The following CLIC4 variants were observed in gnomAD, a reference collection of about 807,000 sequenced individuals.
CLIC4 encodes the protein chloride intracellular channel protein 4.
In CLIC4, 13 loss-of-function variants were observed where a neutral mutation model predicts 24.6. The observed-to-expected ratio is 0.53, with a 90% confidence interval of 0.34 to 0.84. The LOEUF (loss-of-function observed/expected upper bound fraction) is 0.84. CLIC4 is among the 40% of genes least tolerant of loss of function. The pLI is 0.01. For missense variants in CLIC4, 227 were observed against 301.7 expected (o/e 0.75, Z 1.83); for synonymous variants, 104 against 111.3 (o/e 0.93, Z 0.41).
In CLIC4 at chr1:24,835,375, C is replaced by T. The variant is rs1006009839; in HGVS notation, c.416-4485C>T. On this transcript the variant is annotated intron_variant, in intron 4 of 5. Transcript: ENST00000374379. ...GCCAGGAGTTCGAGACCAGCCTGAC[C>T]AACATGGCATAACCCCATCTCTACT... Among the ~76,000 whole-genome samples the T allele has an allele frequency of 4.6e-5, 7 of 152,144 alleles. No individual in the cohort carries two copies. The South Asian group carries it at 1.4e-3, about 31-fold the overall frequency.
intron 4 of CLIC4, among the ~76,000 whole-genome samples, chr1:24,831,701 C>T (rs1163444360): frequency 3.3e-5 from 5 of 152,136 alleles, no homozygotes; most frequent in Admixed American, 6.5e-5. Context: ...TGCAGTGGCA[C>T]GATCTCGGCT....
At chr1:24,749,259 A>G (rs1196807416) in intron 1 of CLIC4, among the ~76,000 whole-genome samples, 2 of 152,058 alleles carry the variant, frequency 1.3e-5, no homozygotes, top group African/African-American at 4.8e-5. Context: ...GAGAGGGTGC[A>G]GAGGCTGTGG....
chr1:24,761,405 A>G (rs1287744366), intron 1 of CLIC4, among the ~76,000 whole-genome samples: 6 of 152,170 alleles, frequency 3.9e-5, no homozygotes, highest in Non-Finnish European at 8.8e-5. Flanking sequence ...TTCTGAGAAA[A>G]TGACATGTAG....
chr1:24,788,044 C>T (rs1012297352), intron 1 of CLIC4, among the ~76,000 whole-genome samples: 28 of 150,978 alleles, frequency 1.9e-4, no homozygotes, highest in Middle Eastern at 3.5e-3. Context: ...TTAGTAGAGA[C>T]GGTTTCACCA....
chr1:24,791,730 G>T (rs1013827504), intron 1 of CLIC4, among the ~76,000 whole-genome samples: 1 of 152,064 alleles, frequency 6.6e-6, no homozygotes, highest in African/African-American at 2.4e-5. Context: ...ACAAAAATCA[G>T]CTGGGCATGG....
intron 3 of CLIC4, among the ~76,000 whole-genome samples, chr1:24,816,588 G>C (rs899088551): frequency 2.0e-5 from 3 of 152,054 alleles, no homozygotes; most frequent in African/African-American, 7.2e-5. Flanking sequence ...ATCTTTTCCA[G>C]GTCACTTTGC....
chr1:24,768,065 TC>T (rs1639025454), intron 1 of CLIC4, among the ~76,000 whole-genome samples: 1 of 152,082 alleles, frequency 6.6e-6, no homozygotes, highest in African/African-American at 2.4e-5. Flanking sequence ...GATCTCGGAC[TC>T]CTGACATGAG....
At position 24,841,497 on chromosome 1, in the gene CLIC4, C is replaced by T. The variant is rs1268795924; in HGVS notation, c.*560C>T. 2.0e-5 allele frequency: 3 copies of T among 152,178 alleles called. No individual in the cohort carries two copies. The highest frequency in any genetic ancestry group is 7.2e-5 in the African/African-American group (3 of 41,440). The allele number at this position is 152,178 out of a possible 1,614,324, so 9.4% of individuals were successfully genotyped here. ...CGAATATTACCACCAGAGAAGAGAG[C>T]TTTCTACAAAAGTCACTACAGATTT... On this transcript the variant is annotated 3_prime_UTR_variant, in exon 6 of 6. Coordinates refer to ENST00000374379, the MANE Select transcript of CLIC4 (RefSeq NM_013943.3).
intron 3 of CLIC4, among the ~76,000 whole-genome samples, chr1:24,822,341 CTTTTTTTTT>C (rs71032865): frequency 2.8e-4 from 21 of 75,484 alleles, no homozygotes; most frequent in South Asian, 2.5e-3. Context: ...TCAGTGAATT[CTTTTTTTTT>C]TTTTTTTTTT....
chr1:24,797,892 T>C, intron 2 of CLIC4, 41 bp downstream of exon 2: 1 of 1,348,312 alleles, frequency 7.4e-7, no homozygotes, highest in Non-Finnish European at 1.1e-6. Flanking sequence ...TAAGCTGAAC[T>C]ATCTTTTCAG....
intron 4 of CLIC4, among the ~76,000 whole-genome samples, chr1:24,838,809 A>G (rs1376811944): frequency 6.6e-6 from 1 of 152,140 alleles, no homozygotes; most frequent in Non-Finnish European, 1.5e-5. Context: ...CCAGATATAC[A>G]GTGGTGCTCT....
At chr1:24,815,094 C>T (rs369676365) in intron 3 of CLIC4, among the ~76,000 whole-genome samples, 1 of 152,146 alleles carries the variant, frequency 6.6e-6, no homozygotes, top group East Asian at 1.9e-4. Context: ...TGAAATTTTT[C>T]GTTTCCCAGT....
At chr1:24,785,904 A>G (rs1326788811) in intron 1 of CLIC4, among the ~76,000 whole-genome samples, 7 of 151,830 alleles carry the variant, frequency 4.6e-5, no homozygotes, top group Non-Finnish European at 8.8e-5. Flanking sequence ...AACTGAAGAA[A>G]TAGGTAATAG....
intron 1 of CLIC4, among the ~76,000 whole-genome samples, chr1:24,792,473 T>A (rs978401255): frequency 6.6e-6 from 1 of 152,206 alleles, no homozygotes; most frequent in Non-Finnish European, 1.5e-5. Context: ...ATTACGGGCA[T>A]GAACTATTGT....
chr1:24,826,001 C>A (rs1639784253), intron 3 of CLIC4, among the ~76,000 whole-genome samples: 1 of 152,168 alleles, frequency 6.6e-6, no homozygotes, highest in African/African-American at 2.4e-5. Context: ...ATTCTTCTAG[C>A]CCTGACTCCT....
At chr1:24,817,724 C>T (rs1639686096) in intron 3 of CLIC4, among the ~76,000 whole-genome samples, 1 of 152,206 alleles carries the variant, frequency 6.6e-6, no homozygotes, top group South Asian at 2.1e-4. Flanking sequence ...TTTGGCCTGT[C>T]TCAGCTTTCG....
intron 3 of CLIC4, among the ~76,000 whole-genome samples, chr1:24,821,751 C>G (rs1364447013): frequency 6.6e-6 from 1 of 152,048 alleles, no homozygotes; most frequent in Non-Finnish European, 1.5e-5. Context: ...AGTAAGATCA[C>G]TTTCAATTGG....
At chr1:24,748,488 T>C (rs1300768597) in intron 1 of CLIC4, among the ~76,000 whole-genome samples, 2 of 141,946 alleles carry the variant, frequency 1.4e-5, no homozygotes, top group African/African-American at 5.2e-5. Context: ...CTGATACAGA[T>C]CAGGTTTTTT....
intron 2 of CLIC4, among the ~76,000 whole-genome samples, chr1:24,801,455 G>A (rs1022021918): frequency 1.3e-5 from 2 of 152,198 alleles, no homozygotes; most frequent in Admixed American, 1.3e-4. Context: ...AACAGCAAGG[G>A]AAGTCTGCCC....
Sources: gnomAD v4.1 joint callset for allele counts (sites outside exome capture counted in the v4.1 genomes callset) on GRCh38, gnomAD v4.1.1 for gene constraint, MANE v1.5 for transcripts, NCBI Gene and HGNC (gene_info 2026-07-23, HGNC 2026-07-21) for gene names.